Variants in UGT2B15 observed in about 807,000 individuals in gnomAD.
UGT2B15 encodes the protein UDP glucuronosyltransferase family 2 member B15.
In UGT2B15, 36 loss-of-function variants were observed where a neutral mutation model predicts 45.9. That is an observed-to-expected ratio of 0.78 (90% CI 0.60 to 1.04). The LOEUF is 1.04. Ranked by LOEUF, UGT2B15 falls within the 50% of genes least tolerant of loss-of-function variation. The pLI, the probability that UGT2B15 is intolerant of heterozygous loss-of-function variation, is 0.00. For synonymous variants in UGT2B15, 219 were observed against 216.4 expected (o/e 1.01, Z -0.11); for missense variants, 617 against 622.4 (o/e 0.99, Z 0.09).
chr4:68,666,007 A>G (rs1257568273), intron 2 of UGT2B15, among the ~76,000 whole-genome samples: 1 of 152,062 alleles, frequency 6.6e-6, no homozygotes, highest in Non-Finnish European at 1.5e-5. Context: ...AGCCGAGATC[A>G]TGCTAGTATC....
At chr4:68,654,326 A>T in intron 4 of UGT2B15, 70 bp from the exon 5 acceptor site, 1 of 1,513,846 alleles carries the variant, frequency 6.6e-7, no homozygotes, top group Non-Finnish European at 9.0e-7. Flanking sequence ...AATGCACAAT[A>T]TAAGGAACTT....
rs557031853 is a variant in UGT2B15, at chr4:68,666,581, A to T, written c.873+1459T>A. Among the ~76,000 whole-genome samples, 14 of 151,974 alleles carry T rather than the reference A, an allele frequency of 9.2e-5. No individual in the cohort carries two copies. The East Asian group carries it at 2.7e-3, about 29-fold the overall frequency. Reference sequence around the variant, plus strand: ...AAACTCATGTAAAAGTTCCTAAATGATCTTTACATTTTACAAACTTGCCTT... The same window carrying T: ...AAACTCATGTAAAAGTTCCTAAATGTTCTTTACATTTTACAAACTTGCCTT... On this transcript the variant is annotated intron_variant, in intron 2 of 5. Transcript: ENST00000338206.
chr4:68,647,808 C>T (rs1436360192), intron 5 of UGT2B15, among the ~76,000 whole-genome samples: 3 of 151,980 alleles, frequency 2.0e-5, no homozygotes, highest in Admixed American at 6.6e-5. Context: ...CTTTCTCTTT[C>T]GGTCTCAAGT....
chr4:68,651,911 A>T (rs1349243748), intron 5 of UGT2B15, among the ~76,000 whole-genome samples: 2 of 152,080 alleles, frequency 1.3e-5, no homozygotes, highest in Non-Finnish European at 2.9e-5. Flanking sequence ...TCTGTGAGGA[A>T]TGTCAATGGT....
chr4:68,667,204 A>G (rs1733164083), intron 2 of UGT2B15, among the ~76,000 whole-genome samples: 1 of 149,026 alleles, frequency 6.7e-6, no homozygotes, highest in South Asian at 2.1e-4. Context: ...GCTCTGTCGC[A>G]CAGGCTAGAG....
intron 3 of UGT2B15, among the ~76,000 whole-genome samples, chr4:68,659,960 T>G (rs1732916777): frequency 6.6e-6 from 1 of 151,732 alleles, no homozygotes; most frequent in African/African-American, 2.4e-5. Flanking sequence ...AATCTTTTTT[T>G]TTTTGAGCTA....
intron 5 of UGT2B15, among the ~76,000 whole-genome samples, chr4:68,648,683 A>G (rs1162215701): frequency 1.3e-5 from 2 of 152,156 alleles, no homozygotes; most frequent in Non-Finnish European, 1.5e-5. Flanking sequence ...ACACCAATTT[A>G]TCACAAACTG....
At chr4:68,653,432 A>G (rs1037757199) in intron 5 of UGT2B15, among the ~76,000 whole-genome samples, 11 of 152,176 alleles carry the variant, frequency 7.2e-5, no homozygotes, top group East Asian at 3.9e-4. Context: ...ATATGTGAAG[A>G]GAATAATCTA....
chr4:68,664,641 A>C (rs977510541), intron 2 of UGT2B15, among the ~76,000 whole-genome samples: 1 of 151,204 alleles, frequency 6.6e-6, no homozygotes, highest in Non-Finnish European at 1.5e-5. Context: ...ATCTTGGCTC[A>C]TTGCAACCTC....
Position 68,664,303 on chromosome 4 carries a change from A to G in UGT2B15, c.874-1164T>C, listed in dbSNP as rs553639935. ...AAGAGAGAGAGAAAGAGGAAAAGAA[A>G]TGTAGACCCATAAGTTTCCTGGATA... is the stretch of plus-strand genomic sequence containing the variant. On this transcript the variant is annotated intron_variant, in intron 2 of 5. Transcript: ENST00000338206. Among the ~76,000 whole-genome samples the G allele has an allele frequency of 1.1e-4, 17 of 151,674 alleles. No individual in the cohort carries two copies. In the South Asian group the frequency reaches 3.3e-3, roughly 30 times the overall value.
Position 68,670,193 on chromosome 4 carries a change from T to C in UGT2B15, c.426A>G (p.Gln142=), listed in dbSNP as rs746218711. ...VLNKKLMMKL[Q]ESKFDVILAD... is the part of the protein sequence containing the mutation. ...CCAGAATGACATCAAACTTTGACTC[T>C]TGTAGTTTCATCATAAGTTTCTTAT... Residue 142 remains glutamine (Q), a synonymous_variant, in exon 1 of 6, where the codon CAA becomes CAG. Coordinates refer to ENST00000338206, the MANE Select transcript of UGT2B15 (RefSeq NM_001076.4). 1.9e-6 allele frequency: 3 copies of C among 1,614,074 alleles called. No individual in the cohort carries two copies. Among genetic ancestry groups the C allele is most frequent in the Non-Finnish European group, 2.5e-6 (3 of 1,179,974 alleles).
intron 5 of UGT2B15, among the ~76,000 whole-genome samples, chr4:68,653,047 C>T (rs1337565011): frequency 6.6e-6 from 1 of 151,916 alleles, no homozygotes; most frequent in East Asian, 1.9e-4. Context: ...AATTAGAGCC[C>T]TCCTATCCAG....
chr4:68,660,715 T>C (rs566240168), intron 3 of UGT2B15, among the ~76,000 whole-genome samples: 11 of 152,104 alleles, frequency 7.2e-5, no homozygotes, highest in African/African-American at 1.7e-4. Context: ...TAATTTTTCA[T>C]GGCGACACGT....
chr4:68,670,372 T>C lies in UGT2B15; in HGVS notation c.247A>G (p.Lys83Glu), dbSNP rs1244667518. 2 of 1,613,190 alleles carry C rather than the reference T, an allele frequency of 1.2e-6. No homozygotes were observed. Among genetic ancestry groups the C allele is most frequent in the East Asian group, 2.2e-5 (1 of 44,878 alleles). The change falls in exon 1 of 6, where the codon AAA becomes GAA. Residue 83 changes from lysine (K) to glutamate (E), a missense_variant. This residue lies in a region of UGT2B15 where 351 missense variants were observed against 342.1 expected (regional missense o/e 1.03). Coordinates refer to ENST00000338206, the MANE Select transcript of UGT2B15 (RefSeq NM_001076.4). ...KLEVYPTSLT[K>E]NYLEDSLLKI... The stretch of plus-strand genomic sequence containing the variant: ...AGAAGAGAATCTTCCAAATAATTTT[T>C]AGTTAAAGATGTAGGATAAACTTCT...
chr4:68,662,146 G>A (rs1001973250), intron 3 of UGT2B15, among the ~76,000 whole-genome samples: 7 of 151,966 alleles, frequency 4.6e-5, no homozygotes, highest in African/African-American at 1.4e-4. Flanking sequence ...AAACTAAAAC[G>A]TAAATTGAAA....
chr4:68,661,190 C>T (rs1312524163), intron 3 of UGT2B15, among the ~76,000 whole-genome samples: 1 of 151,828 alleles, frequency 6.6e-6, no homozygotes, highest in African/African-American at 2.4e-5. Context: ...GCCTGGGGGC[C>T]CCAAAGTCAC....
chr4:68,661,263 T>TATCTAA (rs1732957620), intron 3 of UGT2B15, among the ~76,000 whole-genome samples: 1 of 152,066 alleles, frequency 6.6e-6, no homozygotes, highest in African/African-American at 2.4e-5. Context: ...GATAAATGCA[T>TATCTAA]ATCTGATTGC....
chr4:68,664,266 CAAAAA>C (rs151053424), intron 2 of UGT2B15, among the ~76,000 whole-genome samples: 1 of 142,890 alleles, frequency 7.0e-6, no homozygotes, highest in Admixed American at 7.0e-5. Flanking sequence ...ATTCTCACAC[CAAAAA>C]AAAAAAAAGA....
chr4:68,666,750 A>AT lies in UGT2B15; in HGVS notation c.873+1289dup, dbSNP rs1327859346. 5.5e-3 allele frequency among the ~76,000 whole-genome samples: 659 copies of AT among 120,570 alleles called. 4 individuals are homozygous for AT. The highest frequency in any genetic ancestry group is 0.011 in the African/African-American group (377 of 33,232). 79.1% of individuals were successfully genotyped at this position (120,570 alleles called of 152,430 possible). A position where few individuals can be genotyped will look rare whatever the true frequency, so the allele number is the denominator to read the frequency against. The stretch of plus-strand genomic sequence containing the variant: ...TCAAATTACATATATATATATATAT[A>AT]TATTTTTTTTTTTTGAGACAGATTC... On this transcript the variant is annotated intron_variant, in intron 2 of 5. Coordinates refer to ENST00000338206, the MANE Select transcript of UGT2B15 (RefSeq NM_001076.4).
Sources: allele counts gnomAD v4.1 joint callset (sites outside exome capture counted in the v4.1 genomes callset), GRCh38; gene constraint gnomAD v4.1.1; regional missense constraint gnomAD v4.1.1; transcripts MANE v1.5; gene names NCBI Gene and HGNC (gene_info 2026-07-23, HGNC 2026-07-21).